The following TFDP1 variants were observed in gnomAD, a reference collection of about 807,000 sequenced individuals.
TFDP1 encodes transcription factor Dp-1.
A neutral mutation model predicts 48.0 loss-of-function variants in TFDP1; 6 were observed. That is an observed-to-expected ratio of 0.13 (90% confidence interval 0.07 to 0.25). The LOEUF (loss-of-function observed/expected upper bound fraction) is 0.25. Ranked by LOEUF, TFDP1 falls within the 10% of genes least tolerant of loss-of-function variation. The pLI is 1.00. For missense variants in TFDP1, 335 were observed against 543.0 expected (o/e 0.62, Z 3.81); for synonymous variants, 201 against 211.6 (o/e 0.95, Z 0.44).
At chr13:113,591,975 G>A (rs1426294803) in intron 2 of TFDP1, among the ~76,000 whole-genome samples, 1 of 152,146 alleles carries the variant, frequency 6.6e-6, no homozygotes, top group Non-Finnish European at 1.5e-5. Flanking sequence ...CCTTTTTCCC[G>A]ACTGGCTGAG....
At chr13:113,634,165 A>AT in intron 7 of TFDP1, 132 bp downstream of exon 7, 2 of 1,285,986 alleles carry the variant, frequency 1.6e-6, no homozygotes, top group South Asian at 1.2e-5. Flanking sequence ...ACGGTCATGC[A>AT]GACGTCTCCC....
chr13:113,602,750 G>C (rs1056453322), intron 2 of TFDP1, among the ~76,000 whole-genome samples: 11 of 152,230 alleles, frequency 7.2e-5, no homozygotes, highest in Non-Finnish European at 1.3e-4. Context: ...AGAAGTGTGC[G>C]GCCCTGGCGT....
chr13:113,624,383 GTCCCCAAGTA>G (rs1365113344), intron 4 of TFDP1, among the ~76,000 whole-genome samples: 2 of 151,322 alleles, frequency 1.3e-5, no homozygotes, highest in South Asian at 2.1e-4. Flanking sequence ...GTCCCCAGGT[GTCCCCAAGTA>G]TCTCTCAGGC....
intron 2 of TFDP1, among the ~76,000 whole-genome samples, chr13:113,591,820 T>C (rs2048153599): frequency 6.6e-6 from 1 of 152,164 alleles, no homozygotes; most frequent in African/African-American, 2.4e-5. Context: ...GATGTCAGCG[T>C]TGGCTGAATT....
chr13:113,606,611 C>T (rs1001835903), intron 2 of TFDP1, among the ~76,000 whole-genome samples: 3 of 152,120 alleles, frequency 2.0e-5, no homozygotes, highest in Non-Finnish European at 4.4e-5. Context: ...CCCAGCCCTG[C>T]CATCAGCTGC....
intron 3 of TFDP1, among the ~76,000 whole-genome samples, chr13:113,616,169 C>G (rs953864773): frequency 1.3e-5 from 2 of 149,266 alleles, no homozygotes; most frequent in African/African-American, 5.0e-5. Context: ...CTCCACTGCA[C>G]TCTAGCCTGG....
chr13:113,630,535 C>G (rs903264659), intron 4 of TFDP1, among the ~76,000 whole-genome samples: 5 of 152,120 alleles, frequency 3.3e-5, no homozygotes, highest in East Asian at 1.9e-4. Context: ...CACATGAAGC[C>G]CCCCCGCCAG....
rs201482248 is a variant in TFDP1, at chr13:113,624,758, TCA to T, written c.186+1475_186+1476del. On this transcript the variant is annotated intron_variant, in intron 4 of 11. Coordinates refer to ENST00000375370, the MANE Select transcript of TFDP1 (RefSeq NM_007111.5). ...TCTCAGGTGTCTCTCAGGATATCTC[TCA>T]CATGTCCTCAGGTGTCTCTCAGGGT... Among the ~76,000 whole-genome samples the T allele has an allele frequency of 5.3e-3, 751 of 142,750 alleles. 13 individuals carry two copies. Among genetic ancestry groups the T allele is most frequent in the Non-Finnish European group, 9.5e-3 (625 of 66,024 alleles). 93.6% of individuals were successfully genotyped at this position (142,750 alleles called of 152,430 possible). A position where few individuals can be genotyped will look rare whatever the true frequency, so the allele number is the denominator to read the frequency against.
At chr13:113,605,249 G>C (rs2048535237) in intron 2 of TFDP1, among the ~76,000 whole-genome samples, 1 of 152,068 alleles carries the variant, frequency 6.6e-6, no homozygotes, top group Non-Finnish European at 1.5e-5. Flanking sequence ...GGTGTTGAGT[G>C]GGATCTCGTT....
intron 3 of TFDP1, among the ~76,000 whole-genome samples, chr13:113,613,678 CATGAGTGTGTGTGTGT>C (rs1173360878): frequency 7.3e-6 from 1 of 137,124 alleles, no homozygotes; most frequent in Non-Finnish European, 1.6e-5. Flanking sequence ...TGTGTGTGTG[CATGAGTGTGTGTGTGT>C]ATGCGTGAAT....
At chr13:113,626,713 G>T (rs1054173702) in intron 4 of TFDP1, among the ~76,000 whole-genome samples, 2 of 152,206 alleles carry the variant, frequency 1.3e-5, no homozygotes, top group African/African-American at 4.8e-5. Context: ...TTTCAACCAC[G>T]TTGCACAGCA....
chr13:113,591,270 G>A (rs2048138739), intron 2 of TFDP1, among the ~76,000 whole-genome samples: 1 of 151,456 alleles, frequency 6.6e-6, no homozygotes, highest in South Asian at 2.1e-4. Context: ...GAACCCGGGA[G>A]GCGGAGGTTG....
rs1594551911 is a variant in TFDP1, at chr13:113,640,401, C to T, written c.*134C>T. 1 of 1,403,648 alleles carries T rather than the reference C, an allele frequency of 7.1e-7. No individual in the cohort carries two copies. The allele number at this position is 1,403,648 out of a possible 1,614,324, so 86.9% of individuals were successfully genotyped here. The stretch of plus-strand genomic sequence containing the variant: ...GTAAGCTATTGAATTTAGATATGCA[C>T]CTCTGATAAGCAAGGATTGTTTCCC... On this transcript the variant is annotated 3_prime_UTR_variant, in exon 12 of 12. Transcript: ENST00000375370.
chr13:113,614,962 C>T (rs564144952), intron 3 of TFDP1, among the ~76,000 whole-genome samples: 34 of 152,302 alleles, frequency 2.2e-4, no homozygotes, highest in African/African-American at 6.5e-4. Flanking sequence ...AGGAGCTCCG[C>T]GGCAAGTTCT....
chr13:113,634,614 C>CA lies in TFDP1; in HGVS notation c.687+12_687+13insA. On this transcript the variant is annotated intron_variant, in intron 8 of 11. Transcript: ENST00000375370. ...AACTTATTCTACAGGTAAGAGAATA[C>CA]GTATCTGTGGAGGCAGGGTAATTTT... 6.3e-7 allele frequency: 1 copy of CA among 1,595,002 alleles called. No homozygotes were observed. The highest frequency in any genetic ancestry group is 8.6e-7 in the Non-Finnish European group (1 of 1,168,042).
rs370499664 is a variant in TFDP1, at chr13:113,623,332, C to G, written c.186+46C>G. The G allele has an allele frequency of 6.5e-7, 1 of 1,543,266 alleles. No homozygotes were observed. Among genetic ancestry groups the G allele is most frequent in the East Asian group, 2.4e-5 (1 of 41,578 alleles). Reference sequence around the variant, plus strand: ...GACAGCCGGGATCTCGGTGTGAGGTCGGGATCGGATGAGCCGTGTGGTTGG... The same window carrying G: ...GACAGCCGGGATCTCGGTGTGAGGTGGGGATCGGATGAGCCGTGTGGTTGG... On this transcript the variant is annotated intron_variant, in intron 4 of 11. Coordinates refer to ENST00000375370, the MANE Select transcript of TFDP1 (RefSeq NM_007111.5). The surrounding 1 kb of genome is among the most constrained non-coding windows in gnomAD (Gnocchi z 5.2).
At chr13:113,631,916 G>C in intron 5 of TFDP1, 172 bp downstream of exon 5, 3 of 870,482 alleles carry the variant, frequency 3.4e-6, no homozygotes, top group Non-Finnish European at 5.0e-6. Context: ...GTGTGCAGCC[G>C]AGGCGCACTG....
At chr13:113,600,974 G>A (rs566207327) in intron 2 of TFDP1, among the ~76,000 whole-genome samples, 62 of 152,300 alleles carry the variant, frequency 4.1e-4, no homozygotes, top group African/African-American at 1.3e-3. Context: ...CCAGGACCAC[G>A]AGAGAGAACC....
In TFDP1 at chr13:113,598,722, C is replaced by T. The variant is rs941273076; in HGVS notation, c.13-12274C>T. On this transcript the variant is annotated intron_variant, in intron 2 of 11. Transcript: ENST00000375370. The surrounding 1 kb of genome is among the most constrained non-coding windows in gnomAD (Gnocchi z 4.2). The stretch of plus-strand genomic sequence containing the variant: ...CCTGGTCATTTAAGTTGCGTGGGGC[C>T]GGGAGGAGGCGTTCTCTGCCCCTAC... Among the ~76,000 whole-genome samples the T allele has an allele frequency of 1.4e-4, 21 of 152,138 alleles. No homozygotes were observed. The highest frequency in any genetic ancestry group is 4.3e-4 in the African/African-American group (18 of 41,408).
Sources: allele counts gnomAD v4.1 joint callset (sites outside exome capture counted in the v4.1 genomes callset), GRCh38; gene constraint gnomAD v4.1.1; non-coding constraint Gnocchi (gnomAD v3.1); transcripts MANE v1.5; gene names NCBI Gene and HGNC (gene_info 2026-07-23, HGNC 2026-07-21).